PHLDB2: variants seen among roughly 807,000 people sequenced by gnomAD.
PHLDB2 encodes the protein pleckstrin homology like domain family B member 2.
In PHLDB2, 71 loss-of-function variants were observed where a neutral mutation model predicts 123.6. That is an observed-to-expected ratio of 0.57 (90% CI 0.47 to 0.70). The LOEUF (loss-of-function observed/expected upper bound fraction) is 0.70. PHLDB2 is among the 30% of genes least tolerant of loss of function. PHLDB2 has a pLI of 0.00. For missense variants in PHLDB2, 1,446 were observed against 1,519.5 expected, an observed-to-expected ratio of 0.95 and a Z score of 0.80; for synonymous variants, 547 against 541.6, an observed-to-expected ratio of 1.01 and a Z score of -0.14.
chr3:111,884,797 G>A lies in PHLDB2; in HGVS notation c.720G>A (p.Lys240=), dbSNP rs776592616. The A allele has an allele frequency of 6.2e-7, 1 of 1,614,032 alleles. No individual in the cohort carries two copies. Among genetic ancestry groups the A allele is most frequent in the Non-Finnish European group, 8.5e-7 (1 of 1,180,002 alleles). ...ASENINLRTR[K]YSSSSLSHMG... is the part of the protein sequence containing the mutation. ...AAAACATCAATTTGAGAACTAGGAA[G>A]TACTCCAGCAGCAGCCTGAGTCACA... Residue 240 remains lysine (K), a synonymous_variant, in exon 2 of 18, where the codon AAG becomes AAA. Transcript: ENST00000431670.
At chr3:111,948,838 T>C in intron 9 of PHLDB2, 94 bp from the exon 10 acceptor site, 1 of 1,235,892 alleles carries the variant, frequency 8.1e-7, no homozygotes, top group Non-Finnish European at 1.2e-6. Context: ...GCTGTGCCGC[T>C]CTAAGCTAAC....
At chr3:111,871,034 T>G (rs1325336639) in intron 1 of PHLDB2, among the ~76,000 whole-genome samples, 4 of 152,206 alleles carry the variant, frequency 2.6e-5, no homozygotes, top group Admixed American at 2.0e-4. Context: ...TGAATTTTCC[T>G]GAATTTGCTT....
intron 1 of PHLDB2, among the ~76,000 whole-genome samples, chr3:111,869,640 A>C (rs886740170): frequency 6.6e-6 from 1 of 152,094 alleles, no homozygotes; most frequent in Non-Finnish European, 1.5e-5. Flanking sequence ...CCCCATTAGC[A>C]GTCACAAAAA....
intron 15 of PHLDB2, among the ~76,000 whole-genome samples, chr3:111,968,584 C>A (rs993416060): frequency 6.6e-6 from 1 of 152,122 alleles, no homozygotes; most frequent in East Asian, 1.9e-4. Context: ...TCACTAGACT[C>A]AAAGGCAAAA....
intron 1 of PHLDB2, among the ~76,000 whole-genome samples, chr3:111,751,574 T>C (rs889543698): frequency 2.6e-5 from 4 of 151,020 alleles, no homozygotes; most frequent in Admixed American, 2.6e-4. Flanking sequence ...TTATAAAACC[T>C]CTCCTTGGAG....
At chr3:111,914,198 G>A (rs941159215) in intron 3 of PHLDB2, 2 of 147,074 alleles carry the variant, frequency 1.4e-5, no homozygotes, top group East Asian at 2.0e-4. Flanking sequence ...TGCAACTACC[G>A]TTTATTTTCA....
intron 1 of PHLDB2, among the ~76,000 whole-genome samples, chr3:111,751,627 A>T (rs1404296380): frequency 6.7e-6 from 1 of 149,590 alleles, no homozygotes; most frequent in Non-Finnish European, 1.5e-5. Context: ...ATTGGGTAAC[A>T]AGACAGAGTC....
chr3:111,747,019 C>T (rs549902208), intron 1 of PHLDB2, among the ~76,000 whole-genome samples: 3 of 152,210 alleles, frequency 2.0e-5, no homozygotes, highest in Admixed American at 6.5e-5. Context: ...TAAATCAAGA[C>T]TTAGAGCAGA....
chr3:111,862,321 A>G (rs1448823826), intron 1 of PHLDB2, among the ~76,000 whole-genome samples: 1 of 152,144 alleles, frequency 6.6e-6, no homozygotes, highest in African/African-American at 2.4e-5. Context: ...TGGTGTACCA[A>G]TTGTTGATTG....
At chr3:111,878,221 A>G (rs1049653381) in intron 1 of PHLDB2, among the ~76,000 whole-genome samples, 1 of 151,994 alleles carries the variant, frequency 6.6e-6, no homozygotes, top group Non-Finnish European at 1.5e-5. Flanking sequence ...GTCCTCTCTT[A>G]TTTCTTTGAG....
upstream of PHLDB2, among the ~76,000 whole-genome samples, chr3:111,856,498 A>C (rs1056716121): frequency 1.3e-5 from 2 of 152,248 alleles, no homozygotes; most frequent in Non-Finnish European, 2.9e-5. Context: ...AGAATACCGG[A>C]TACGTATACA....
intron 1 of PHLDB2, among the ~76,000 whole-genome samples, chr3:111,861,194 C>G (rs1174079372): frequency 6.6e-6 from 1 of 152,252 alleles, no homozygotes; most frequent in Non-Finnish European, 1.5e-5. Flanking sequence ...ATGGCTATAT[C>G]TCTCTTGCCG....
At chr3:111,939,806 C>T (rs2069746282) in intron 7 of PHLDB2, among the ~76,000 whole-genome samples, 176 bp downstream of exon 7, 1 of 152,176 alleles carries the variant, frequency 6.6e-6, no homozygotes, top group South Asian at 2.1e-4. Flanking sequence ...TTACATAATG[C>T]TGTAGATGCA....
chr3:111,866,013 C>CTTTTTTTTTTTTT (rs1239058039), intron 1 of PHLDB2, among the ~76,000 whole-genome samples: 7 of 47,664 alleles, frequency 1.5e-4, no homozygotes, highest in Non-Finnish European at 2.6e-4. Flanking sequence ...CCCACCCACT[C>CTTTTTTTTTTTTT]ATTTTTTTTT....
At chr3:111,842,616 T>C (rs749939863) in intron 1 of PHLDB2, among the ~76,000 whole-genome samples, 6 of 152,188 alleles carry the variant, frequency 3.9e-5, no homozygotes, top group Non-Finnish European at 5.9e-5. Context: ...GAGATATAAC[T>C]CACAGACCAT....
intron 5 of PHLDB2, among the ~76,000 whole-genome samples, chr3:111,930,608 T>G (rs988425470): frequency 1.3e-5 from 2 of 151,640 alleles, no homozygotes; most frequent in African/African-American, 4.8e-5. Context: ...GCTGGTTTTA[T>G]TAAGGAAAAA....
At chr3:111,818,506 C>T (rs760066860) in intron 1 of PHLDB2, among the ~76,000 whole-genome samples, 12 of 152,010 alleles carry the variant, frequency 7.9e-5, no homozygotes, top group Non-Finnish European at 1.3e-4. Context: ...ACTTTTTTCC[C>T]AGTAGGCTAG....
intron 1 of PHLDB2, among the ~76,000 whole-genome samples, chr3:111,809,456 C>T (rs2061734906): frequency 6.6e-6 from 1 of 152,192 alleles, no homozygotes; most frequent in Non-Finnish European, 1.5e-5. Context: ...TATCTGAAGT[C>T]CAGCAGTGGG....
intron 5 of PHLDB2, among the ~76,000 whole-genome samples, chr3:111,930,779 C>A (rs994499055): frequency 1.3e-5 from 2 of 152,150 alleles, no homozygotes; most frequent in African/African-American, 4.8e-5. Context: ...CATTGAAGAT[C>A]GAAGAAATTT....
Sources: allele counts gnomAD v4.1 joint callset (sites outside exome capture counted in the v4.1 genomes callset), GRCh38; gene constraint gnomAD v4.1.1; transcripts MANE v1.5; gene names NCBI Gene and HGNC (gene_info 2026-07-23, HGNC 2026-07-21).